Variants in DNAH10 observed in about 807,000 individuals in gnomAD.
DNAH10 encodes dynein axonemal heavy chain 10, also known as axonemal beta dynein heavy chain 10.
In DNAH10, 348 loss-of-function variants were observed where a neutral mutation model predicts 506.6. The ratio of observed to expected loss-of-function variants is 0.69; its 90% CI spans 0.63 to 0.75. The LOEUF (loss-of-function observed/expected upper bound fraction) is 0.75, where lower values mean the gene tolerates loss of function less well. Ranked by LOEUF, DNAH10 falls within the 30% of genes least tolerant of loss-of-function variation. The pLI, the probability that DNAH10 is intolerant of heterozygous loss-of-function variation, is 0.00. For synonymous variants in DNAH10, 2,059 were observed against 2,198.6 expected, an observed-to-expected ratio of 0.94 and a Z score of 1.78; for missense variants, 5,179 against 5,787.1, an observed-to-expected ratio of 0.89 and a Z score of 3.41.
chr12:123,864,191 G>T (rs1175725558), intron 39 of DNAH10, among the ~76,000 whole-genome samples: 1 of 147,986 alleles, frequency 6.8e-6, no homozygotes, highest in Admixed American at 6.8e-5. Context: ...TGTTGCCTGG[G>T]TGGGAGTGCA....
At chr12:123,774,511 C>T (rs919782715) in intron 5 of DNAH10, among the ~76,000 whole-genome samples, 3 of 152,096 alleles carry the variant, frequency 2.0e-5, no homozygotes, top group Non-Finnish European at 4.4e-5. Context: ...AGCTGAGAGC[C>T]GCAAACAGAG....
rs35755869 is a variant in DNAH10 at position 123,785,636 on chromosome 12, G to GAAAA, written c.1231-95_1231-92dup. On this transcript the variant is annotated intron_variant, in intron 8 of 78. Coordinates refer to ENST00000673944, the MANE Select transcript of DNAH10 (RefSeq NM_001372106.1). This position sits in a 1 kb window ranked among gnomAD's most constrained non-coding sequence, Gnocchi z 4.1. ...CCTGGGCACCAGACTTGGTCTCAAGGAAAAAAAAAAAAAAAAAAGAGTGAA... is the reference window on the plus strand; with the variant it reads ...CCTGGGCACCAGACTTGGTCTCAAGGAAAAAAAAAAAAAAAAAAAAAAGAGTGAA... The GAAAA allele has an allele frequency of 1.1e-5, 8 of 705,250 alleles. No homozygotes were observed. Among genetic ancestry groups the GAAAA allele is most frequent in the African/African-American group, 2.1e-5 (1 of 48,148 alleles). 43.7% of individuals were successfully genotyped at this position (705,250 alleles called of 1,614,324 possible).
intron 30 of DNAH10, among the ~76,000 whole-genome samples, chr12:123,842,707 T>A (rs1276985402): frequency 6.6e-6 from 1 of 152,244 alleles, no homozygotes; most frequent in Non-Finnish European, 1.5e-5. Flanking sequence ...TAAAACTGGA[T>A]GTCTGGAAAA....
In DNAH10 at chr12:123,767,700, G is replaced by C; in HGVS notation, c.298+11G>C. ...TGGATAAAGTGCGAGGTGTGGAGTTGGGAGGGGTCATGGGAGGGTGGAACT... is the reference window on the plus strand; with the variant it reads ...TGGATAAAGTGCGAGGTGTGGAGTTCGGAGGGGTCATGGGAGGGTGGAACT... On this transcript the variant is annotated intron_variant, in intron 2 of 78. Transcript: ENST00000673944. 6.2e-7 allele frequency: 1 copy of C among 1,607,652 alleles called. No homozygotes were observed. Among genetic ancestry groups the C allele is most frequent in the Non-Finnish European group, 8.5e-7 (1 of 1,176,804 alleles).
At chr12:123,890,087 C>T (rs1952911464) in intron 52 of DNAH10, among the ~76,000 whole-genome samples, 1 of 152,134 alleles carries the variant, frequency 6.6e-6, no homozygotes, top group South Asian at 2.1e-4. Context: ...CATAAAGAAA[C>T]CCATTGGCCG....
At chr12:123,879,493 G>C (rs777418538) in intron 49 of DNAH10, 136 bp downstream of exon 49, 6 of 1,443,342 alleles carry the variant, frequency 4.2e-6, no homozygotes, top group Non-Finnish European at 5.6e-6. Context: ...AGGGTGGGTG[G>C]GTTATTAAGC....
At chr12:123,895,924 G>A (rs558530281) in intron 54 of DNAH10, among the ~76,000 whole-genome samples, 79 of 152,092 alleles carry the variant, frequency 5.2e-4, no homozygotes, top group African/African-American at 1.6e-3. Flanking sequence ...ACCAGCCTGG[G>A]CAAAATGGTG....
chr12:123,866,688 T>G (rs572897089), intron 41 of DNAH10, among the ~76,000 whole-genome samples: 1 of 152,338 alleles, frequency 6.6e-6, no homozygotes, highest in Admixed American at 6.5e-5. Flanking sequence ...ATGATTTCTT[T>G]CACAGCTACT....
At chr12:123,789,823 G>C in intron 10 of DNAH10, 104 bp from the exon 11 acceptor site, 1 of 1,082,734 alleles carries the variant, frequency 9.2e-7, no homozygotes, top group Non-Finnish European at 1.4e-6. Flanking sequence ...TGTGTGACAT[G>C]ATTCTTGCCC....
At chr12:123,887,713 C>G (rs1232039928) in intron 52 of DNAH10, among the ~76,000 whole-genome samples, 1 of 152,014 alleles carries the variant, frequency 6.6e-6, no homozygotes, top group Non-Finnish European at 1.5e-5. Flanking sequence ...AGCTTGAGCC[C>G]AGGAGTTTGA....
intron 21 of DNAH10, among the ~76,000 whole-genome samples, chr12:123,814,885 G>A (rs1015598500): frequency 2.6e-5 from 4 of 152,026 alleles, no homozygotes; most frequent in Admixed American, 2.6e-4. Context: ...CCAAAGTGCT[G>A]GGATTACAGG....
At chr12:123,830,103 C>G (rs918198717) in intron 25 of DNAH10, among the ~76,000 whole-genome samples, 1 of 152,192 alleles carries the variant, frequency 6.6e-6, no homozygotes, top group South Asian at 2.1e-4. Flanking sequence ...AAGCTAGGAG[C>G]CTTGCCCTTG....
Position 123,887,139 on chromosome 12 carries a change from C to A in DNAH10, c.8824-3C>A, listed in dbSNP as rs1190261618. 3.1e-6 allele frequency: 5 copies of A among 1,602,312 alleles called. No homozygotes were observed. Among genetic ancestry groups the A allele is most frequent in the Non-Finnish European group, 4.3e-6 (5 of 1,174,562 alleles). On this transcript the variant is annotated splice_region_variant and splice_polypyrimidine_tract_variant and intron_variant, in intron 51 of 78. Coordinates refer to ENST00000673944, the MANE Select transcript of DNAH10 (RefSeq NM_001372106.1). ...GCCCATGTGCTCTGTGTCTGCATCG[C>A]AGGTGTTTGAGATCCTGCTGAGCCG...
Position 123,914,403 on chromosome 12 carries a change from T to C in DNAH10, c.10427T>C (p.Phe3476Ser). Residue 3476 changes from phenylalanine to serine, a missense_variant, in exon 61 of 79, where the codon TTC (phenylalanine) becomes TCC (serine). This residue lies in a region of DNAH10 where 4,844 missense variants were observed against 5,430.5 expected (regional missense o/e 0.89). Transcript: ENST00000673944. ...GGGGACTGCCTGCTCTGCGCGGCTT[T>C]CCTCAGCTACGAGGGAGCCTTCACC... is the stretch of plus-strand genomic sequence containing the variant. Reference protein sequence around the residue: ...LLGDCLLCAAFLSYEGAFTWE... With the variant: ...LLGDCLLCAASLSYEGAFTWE... 6.2e-7 allele frequency: 1 copy of C among 1,613,664 alleles called. No individual in the cohort carries two copies. The highest frequency in any genetic ancestry group is 8.5e-7 in the Non-Finnish European group (1 of 1,179,892).
At position 123,830,574 on chromosome 12, in the gene DNAH10, T is replaced by A. The variant is rs749633253; in HGVS notation, c.4420T>A (p.Ser1474Thr). Residue 1474 changes from serine (S) to threonine (T), a missense_variant, in exon 26 of 79, where the codon TCT becomes ACT. This residue lies in a region of DNAH10 where 4,844 missense variants were observed against 5,430.5 expected (regional missense o/e 0.89). Coordinates refer to ENST00000673944, the MANE Select transcript of DNAH10 (RefSeq NM_001372106.1). ...TTGGAAAGAACTTATGGAAAAAACG[T>A]CTGTCTTTTTTGAAATGACCGAAAC... Reference protein sequence around the residue: ...RHWKELMEKTSVFFEMTETFT... With the variant: ...RHWKELMEKTTVFFEMTETFT... The A allele has an allele frequency of 6.2e-7, 1 of 1,613,630 alleles. No individual in the cohort carries two copies. Among genetic ancestry groups the A allele is most frequent in the Admixed American group, 1.7e-5 (1 of 59,966 alleles).
rs1019450402 is a variant in DNAH10, at chr12:123,833,320, G to C, written c.4752G>C (p.Thr1584=). ...AAACTGTTCACAAATGGGAAAAAAC[G>C]CTTTCTCTAATAGGGGAAGTCATTG... ...FLQTVHKWEK[T]LSLIGEVIEI... The change falls in exon 27 of 79, where the codon ACG becomes ACC. Residue 1584 remains threonine (T), a synonymous_variant. Transcript: ENST00000673944. 1 of 1,612,802 alleles carries C rather than the reference G, an allele frequency of 6.2e-7. No individual in the cohort carries two copies. Among genetic ancestry groups the C allele is most frequent in the South Asian group, 1.1e-5 (1 of 90,632 alleles).
At position 123,877,859 on chromosome 12, in the gene DNAH10, C is replaced by T. The variant is rs754807757; in HGVS notation, c.8323C>T (p.Arg2775Ter). The stretch of plus-strand genomic sequence containing the variant: ...AAAGTTCCATTACATCTTCAACCTT[C>T]GAGATCTCTCACGGGTTTTTAATGG... Reference protein sequence around the residue: ...PSKFHYIFNLRDLSRVFNGLV... With the variant: ...PSKFHYIFNL Residue 2775 changes from arginine to a stop codon, truncating the protein, a stop_gained, in exon 48 of 79, where the codon CGA (arginine) becomes TGA (stop). Coordinates refer to ENST00000673944, the MANE Select transcript of DNAH10 (RefSeq NM_001372106.1). LOFTEE classifies it high-confidence loss of function. 6.2e-6 allele frequency: 10 copies of T among 1,614,034 alleles called. No homozygotes were observed. The highest frequency in any genetic ancestry group is 3.3e-5 in the Admixed American group (2 of 60,024).
chr12:123,797,935 A>T (rs1296336582), intron 13 of DNAH10, among the ~76,000 whole-genome samples: 2 of 152,218 alleles, frequency 1.3e-5, no homozygotes, highest in African/African-American at 4.8e-5. Context: ...GCAACGACTC[A>T]ACCTGTCGTT....
intron 13 of DNAH10, among the ~76,000 whole-genome samples, chr12:123,797,390 CTTTTTCTTTTT>C (rs1215635803): frequency 6.9e-5 from 10 of 144,556 alleles, no homozygotes; most frequent in Admixed American, 5.4e-4. Context: ...TTTTTCTTTT[CTTTTTCTTTTT>C]TTTTTTTTTA....
Sources: allele counts gnomAD v4.1 joint callset (sites outside exome capture counted in the v4.1 genomes callset), GRCh38; gene constraint gnomAD v4.1.1; regional missense constraint gnomAD v4.1.1; non-coding constraint Gnocchi (gnomAD v3.1); transcripts MANE v1.5; gene names NCBI Gene and HGNC (gene_info 2026-07-23, HGNC 2026-07-21).